ZBTB20: variants seen among roughly 807,000 people sequenced by gnomAD.
ZBTB20 encodes the protein zinc finger and BTB domain-containing protein 20.
A neutral mutation model predicts 56.9 loss-of-function variants in ZBTB20; 9 were observed. The observed-to-expected ratio is 0.16, with a 90% CI of 0.10 to 0.28. The LOEUF (loss-of-function observed/expected upper bound fraction) is 0.28, where lower values mean the gene tolerates loss of function less well. ZBTB20 is among the 10% of genes least tolerant of loss of function. The probability of loss-of-function intolerance (pLI) is 1.00; values close to 1 mark genes in which losing one functional copy is unlikely to be tolerated. For synonymous variants in ZBTB20, 417 were observed against 420.7 expected (o/e 0.99, Z 0.11); for missense variants, 655 against 1,003.0 (o/e 0.65, Z 4.69).
chr3:115,132,746 C>CA (rs761530006), intron 1 of ZBTB20, among the ~76,000 whole-genome samples: 17 of 151,720 alleles, frequency 1.1e-4, no homozygotes, highest in Non-Finnish European at 2.4e-4. Context: ...GCCTGGGTGA[C>CA]AAAGTGAGAT....
intron 6 of ZBTB20, among the ~76,000 whole-genome samples, chr3:114,521,287 AT>A (rs2046611892): frequency 6.6e-6 from 1 of 152,122 alleles, no homozygotes; most frequent in African/African-American, 2.4e-5. Flanking sequence ...CTTTCAAATG[AT>A]TTTGCCAAGG....
intron 3 of ZBTB20, among the ~76,000 whole-genome samples, chr3:114,932,347 C>G (rs1480855686): frequency 6.6e-6 from 1 of 152,224 alleles, no homozygotes; most frequent in Admixed American, 6.5e-5. Context: ...AAAATCTTGT[C>G]TTTGATCCAT....
intron 6 of ZBTB20, among the ~76,000 whole-genome samples, chr3:114,648,155 AT>A (rs1200784079): frequency 2.6e-5 from 4 of 151,868 alleles, no homozygotes; most frequent in African/African-American, 7.2e-5. Context: ...TCAATAAAAA[AT>A]TTATTGAGAA....
intron 3 of ZBTB20, among the ~76,000 whole-genome samples, chr3:114,944,304 G>A (rs1289400715): frequency 6.9e-6 from 1 of 145,674 alleles, no homozygotes; most frequent in Non-Finnish European, 1.5e-5. Flanking sequence ...TGTTAGAAAG[G>A]CTACCTTCAA....
At chr3:114,486,815 T>G (rs1388529867) in intron 7 of ZBTB20, among the ~76,000 whole-genome samples, 1 of 152,188 alleles carries the variant, frequency 6.6e-6, no homozygotes, top group Non-Finnish European at 1.5e-5. Flanking sequence ...GAACCCATTT[T>G]AGCCTATCGA....
rs747721737 is a variant in ZBTB20, at chr3:114,809,757, T to C, written c.-416-8583A>G. On this transcript the variant is annotated intron_variant, in intron 4 of 11. Coordinates refer to ENST00000675478, the MANE Select transcript of ZBTB20 (RefSeq NM_001348800.3). ...ATTGGGTATGAGTCACACTCCTGTT[T>C]ATTACATGTCTCATTTTTTTCTTGA... is the stretch of plus-strand genomic sequence containing the variant. Among the ~76,000 whole-genome samples the C allele has an allele frequency of 1.2e-4, 19 of 152,228 alleles. 1 individual carries two copies. The highest frequency in any genetic ancestry group is 2.1e-4 in the South Asian group (1 of 4,834).
At chr3:114,978,295 A>C (rs2108072381) in intron 2 of ZBTB20, among the ~76,000 whole-genome samples, 1 of 148,476 alleles carries the variant, frequency 6.7e-6, no homozygotes, top group East Asian at 1.9e-4. Context: ...AGTAATACTT[A>C]TTACTATTTA....
At chr3:114,807,606 G>C (rs1480628899) in intron 4 of ZBTB20, among the ~76,000 whole-genome samples, 1 of 151,826 alleles carries the variant, frequency 6.6e-6, no homozygotes, top group Admixed American at 6.6e-5. Flanking sequence ...TATCGGTCAG[G>C]TTTTCATCAT....
At chr3:114,872,093 C>A (rs1034832493) in intron 4 of ZBTB20, among the ~76,000 whole-genome samples, 2 of 152,110 alleles carry the variant, frequency 1.3e-5, no homozygotes, top group African/African-American at 4.8e-5. Flanking sequence ...AAAGCCTTCC[C>A]AATATCTATT....
At chr3:114,915,690 G>C (rs2107730368) in intron 3 of ZBTB20, among the ~76,000 whole-genome samples, 1 of 151,736 alleles carries the variant, frequency 6.6e-6, no homozygotes, top group Middle Eastern at 3.4e-3. Flanking sequence ...TTTATTGAAA[G>C]TTTTTCTACT....
intron 5 of ZBTB20, among the ~76,000 whole-genome samples, chr3:114,736,943 G>T (rs1202300490): frequency 6.6e-6 from 1 of 152,158 alleles, no homozygotes; most frequent in Non-Finnish European, 1.5e-5. Context: ...GATAAGAAAA[G>T]AATGAGAAAT....
chr3:115,006,000 A>G (rs1426645557), intron 2 of ZBTB20, among the ~76,000 whole-genome samples: 1 of 140,300 alleles, frequency 7.1e-6, no homozygotes, highest in African/African-American at 2.5e-5. Flanking sequence ...ACATTGCCAA[A>G]TGTTTTTTTT....
At chr3:115,112,013 T>C (rs965416105) in intron 1 of ZBTB20, among the ~76,000 whole-genome samples, 14 of 152,166 alleles carry the variant, frequency 9.2e-5, no homozygotes, top group African/African-American at 3.1e-4. Context: ...TATTAAAAAG[T>C]GTATGCTCCC....
intron 4 of ZBTB20, chr3:114,861,892 A>G (rs1412345919): frequency 1.3e-5 from 2 of 152,196 alleles, no homozygotes; most frequent in Non-Finnish European, 2.9e-5. Context: ...AGAAGATGCA[A>G]TCATCCATCT....
chr3:114,736,729 T>C (rs2066186944), intron 5 of ZBTB20, among the ~76,000 whole-genome samples: 1 of 152,102 alleles, frequency 6.6e-6, no homozygotes, highest in African/African-American at 2.4e-5. Flanking sequence ...GAAATGGATG[T>C]ACATGGTGGG....
chr3:114,398,170 T>G (rs16822588), intron 7 of ZBTB20, among the ~76,000 whole-genome samples: 30,727 of 152,046 alleles, frequency 0.2, 4,005 homozygotes, highest in African/African-American at 0.36. Context: ...TGAAGACTGC[T>G]TTAGCCCATA....
At chr3:115,097,339 C>A (rs2083416802) in intron 1 of ZBTB20, among the ~76,000 whole-genome samples, 1 of 152,020 alleles carries the variant, frequency 6.6e-6, no homozygotes, top group Non-Finnish European at 1.5e-5. Context: ...CCACCACGCC[C>A]AGGTAGTTTT....
chr3:114,522,795 G>A lies in ZBTB20; in HGVS notation c.-294-22404C>T, dbSNP rs184072762. Reference sequence around the variant, plus strand: ...ATTTGAGTAACCCTAAAGGTGGAGCGTTATTTACCAATATTGGGGAGGCTA... The same window carrying A: ...ATTTGAGTAACCCTAAAGGTGGAGCATTATTTACCAATATTGGGGAGGCTA... On this transcript the variant is annotated intron_variant, in intron 6 of 11. Transcript: ENST00000675478. Among the ~76,000 whole-genome samples, 626 of 152,218 alleles carry A rather than the reference G, an allele frequency of 4.1e-3. 4 individuals are homozygous for A. The highest frequency in any genetic ancestry group is 0.01 in the Middle Eastern group (3 of 294).
At chr3:114,865,508 T>A (rs2107512529) in intron 4 of ZBTB20, among the ~76,000 whole-genome samples, 1 of 152,270 alleles carries the variant, frequency 6.6e-6, no homozygotes, top group Non-Finnish European at 1.5e-5. Context: ...CACCTTATAA[T>A]GGATTCCTTC....
Sources: allele counts gnomAD v4.1 joint callset (sites outside exome capture counted in the v4.1 genomes callset), GRCh38; gene constraint gnomAD v4.1.1; transcripts MANE v1.5; gene names NCBI Gene and HGNC (gene_info 2026-07-23, HGNC 2026-07-21).